The following C4orf33 variants were observed in gnomAD, a reference collection of about 807,000 sequenced individuals.
The protein encoded by C4orf33 is UPF0462 protein C4orf33.
In C4orf33, 20 loss-of-function variants were observed where a neutral mutation model predicts 24.3. The ratio of observed to expected loss-of-function variants is 0.82; its 90% confidence interval spans 0.58 to 1.19. The LOEUF is 1.19. Among genes scored for constraint, C4orf33 ranks in the 50% most tolerant of loss-of-function variants. C4orf33 has a pLI of 0.00. For missense variants in C4orf33, 207 were observed against 225.9 expected (o/e 0.92, Z 0.54); for synonymous variants, 67 against 76.4 (o/e 0.88, Z 0.64).
At chr4:129,102,222 C>G (rs1753376351) in intron 1 of C4orf33, 1 of 155,524 alleles carries the variant, frequency 6.4e-6, no homozygotes, top group African/African-American at 2.4e-5. Context: ...TTGCAGTAGA[C>G]TTAATTACAA....
At chr4:129,109,694 A>G (rs774218552) in intron 5 of C4orf33, 22 bp downstream of exon 5, 5 of 1,597,178 alleles carry the variant, frequency 3.1e-6, no homozygotes, top group Non-Finnish European at 4.3e-6. Flanking sequence ...ATAAATGAAG[A>G]TATGTTCCAA....
intron 1 of C4orf33, among the ~76,000 whole-genome samples, chr4:129,098,624 C>T (rs1031141930): frequency 2.6e-5 from 4 of 152,210 alleles, no homozygotes; most frequent in Admixed American, 1.3e-4. Context: ...GATTCACAAG[C>T]TAAAGCAAGT....
Position 129,115,036 on chromosome 4 carries a change from T to G in C4orf33, c.*3245T>G, listed in dbSNP as rs487501. 1 of 152,024 alleles carries G rather than the reference T, an allele frequency of 6.6e-6. No individual in the cohort carries two copies. Among genetic ancestry groups the G allele is most frequent in the African/African-American group, 2.4e-5 (1 of 41,326 alleles). The allele number at this position is 152,024 out of a possible 1,614,324, so 9.4% of individuals were successfully genotyped here. ...CAAACCACTTGAAACTACTGAAGAG[T>G]TTGGCCAAATGTGAGAGAAATACAG... On this transcript the variant is annotated 3_prime_UTR_variant, in exon 6 of 6. Transcript: ENST00000425929.
In C4orf33 at chr4:129,116,222, G is replaced by T. The variant is rs1292387049; in HGVS notation, c.*4431G>T. On this transcript the variant is annotated 3_prime_UTR_variant, in exon 6 of 6. Transcript: ENST00000425929. ...TAATGGGATCTACGAGTAAATTTTT[G>T]TCTGATATTTATAAATCTAATATGT... 6.6e-6 allele frequency: 1 copy of T among 151,910 alleles called. No individual in the cohort carries two copies. Among genetic ancestry groups the T allele is most frequent in the Non-Finnish European group, 1.5e-5 (1 of 67,988 alleles). 9.4% of individuals were successfully genotyped at this position (151,910 alleles called of 1,614,324 possible). A position where few individuals can be genotyped will look rare whatever the true frequency, so the allele number is the denominator to read the frequency against.
chr4:129,106,612 T>C lies in C4orf33; in HGVS notation c.207T>C (p.Asp69=), dbSNP rs757121662. The change falls in exon 3 of 6, where the codon GAT becomes GAC. Residue 69 remains aspartate, a synonymous_variant. Transcript: ENST00000425929. ...TTGTGGAAGCATTTTTCTTGAATGA[T>C]ATAACTGAGCAATATTTAGAAGTTG... is the stretch of plus-strand genomic sequence containing the variant. ...YEVVEAFFLN[D]ITEQYLEVEL... 1 of 1,549,970 alleles carries C rather than the reference T, an allele frequency of 6.5e-7. No homozygotes were observed. Among genetic ancestry groups the C allele is most frequent in the East Asian group, 2.3e-5 (1 of 43,020 alleles).
At chr4:129,095,208 T>C (rs1004101453), upstream of C4orf33, among the ~76,000 whole-genome samples, 1 of 152,184 alleles carries the variant, frequency 6.6e-6, no homozygotes, top group Non-Finnish European at 1.5e-5. Flanking sequence ...GGAAACAAAA[T>C]TGTGATGATT....
rs1341045213 is a variant in C4orf33 at position 129,112,702 on chromosome 4, T to C, written c.*911T>C. ...ACTTCAAGTTTACATTGAGTTTATA[T>C]GTTTCCATTGAACAATCACTAGTGA... On this transcript the variant is annotated 3_prime_UTR_variant, in exon 6 of 6. Coordinates refer to ENST00000425929, the MANE Select transcript of C4orf33 (RefSeq NM_001099783.2). 1 of 152,130 alleles carries C rather than the reference T, an allele frequency of 6.6e-6. No individual in the cohort carries two copies. Among genetic ancestry groups the C allele is most frequent in the Non-Finnish European group, 1.5e-5 (1 of 67,952 alleles). The allele number at this position is 152,130 out of a possible 1,614,324, so 9.4% of individuals were successfully genotyped here. A position where few individuals can be genotyped will look rare whatever the true frequency, so the allele number is the denominator to read the frequency against.
At chr4:129,098,233 T>C (rs1431606210) in intron 1 of C4orf33, among the ~76,000 whole-genome samples, 1 of 152,192 alleles carries the variant, frequency 6.6e-6, no homozygotes, top group Non-Finnish European at 1.5e-5. Context: ...TTATATTGCA[T>C]GATGCTGAGA....
intron 2 of C4orf33, among the ~76,000 whole-genome samples, chr4:129,103,654 T>G (rs1487286995): frequency 2.0e-5 from 3 of 152,228 alleles, no homozygotes; most frequent in African/African-American, 7.2e-5. Context: ...CTCTTCATGA[T>G]GCCATTTCCC....
At chr4:129,106,822 G>T (rs1753533706) in intron 3 of C4orf33, among the ~76,000 whole-genome samples, 175 bp downstream of exon 3, 1 of 151,624 alleles carries the variant, frequency 6.6e-6, no homozygotes, top group Non-Finnish European at 1.5e-5. Flanking sequence ...CACATATTTA[G>T]AATGTATGTT....
At chr4:129,099,945 G>A (rs960986918) in intron 1 of C4orf33, among the ~76,000 whole-genome samples, 7 of 151,642 alleles carry the variant, frequency 4.6e-5, no homozygotes, top group South Asian at 4.2e-4. Flanking sequence ...AAACAAATTT[G>A]TCATTGCAAT....
Position 129,109,461 on chromosome 4 carries a change from T to C in C4orf33, c.295-12T>C, listed in dbSNP as rs1249884580. On this transcript the variant is annotated splice_polypyrimidine_tract_variant and intron_variant, in intron 4 of 5. Coordinates refer to ENST00000425929, the MANE Select transcript of C4orf33 (RefSeq NM_001099783.2). ...AATTTTATCTTTTGTGTTTCACATG[T>C]TGTTTCTGTAGCAAGAACTTCCTTT... 8 of 1,610,784 alleles carry C rather than the reference T, an allele frequency of 5.0e-6. No individual in the cohort carries two copies. The highest frequency in any genetic ancestry group is 6.8e-6 in the Non-Finnish European group (8 of 1,177,018).
intron 1 of C4orf33, among the ~76,000 whole-genome samples, chr4:129,099,452 A>G (rs939532966): frequency 2.6e-5 from 4 of 152,246 alleles, no homozygotes; most frequent in African/African-American, 9.6e-5. Context: ...TGATGATACC[A>G]CGAACACAGT....
rs1453015995 is a variant in C4orf33 at position 129,113,476 on chromosome 4, T to C, written c.*1685T>C. ...TTTATTTGAGAGTGGGTGTTTGTAA[T>C]AGCCATTTCAAATTTGTTTTTCAAC... is the stretch of plus-strand genomic sequence containing the variant. On this transcript the variant is annotated 3_prime_UTR_variant, in exon 6 of 6. Coordinates refer to ENST00000425929, the MANE Select transcript of C4orf33 (RefSeq NM_001099783.2). 1 of 152,230 alleles carries C rather than the reference T, an allele frequency of 6.6e-6. No individual in the cohort carries two copies. Among genetic ancestry groups the C allele is most frequent in the African/African-American group, 2.4e-5 (1 of 41,464 alleles). The allele number at this position is 152,230 out of a possible 1,614,324, so 9.4% of individuals were successfully genotyped here.
Position 129,112,551 on chromosome 4 carries a change from T to A in C4orf33, c.*760T>A, listed in dbSNP as rs991401216. 2 of 152,204 alleles carry A rather than the reference T, an allele frequency of 1.3e-5. No homozygotes were observed. Among genetic ancestry groups the A allele is most frequent in the African/African-American group, 4.8e-5 (2 of 41,460 alleles). 9.4% of individuals were successfully genotyped at this position (152,204 alleles called of 1,614,324 possible). On this transcript the variant is annotated 3_prime_UTR_variant, in exon 6 of 6. Coordinates refer to ENST00000425929, the MANE Select transcript of C4orf33 (RefSeq NM_001099783.2). The stretch of plus-strand genomic sequence containing the variant: ...TTTTGTATTTTGATCTGGATGATGG[T>A]TATGTAGCTGCATATATTTGTCAAC...
Position 129,115,817 on chromosome 4 carries a change from T to TA in C4orf33, c.*4027dup, listed in dbSNP as rs1304953162. The TA allele has an allele frequency of 1.4e-5, 2 of 141,916 alleles. No homozygotes were observed. The highest frequency in any genetic ancestry group is 2.6e-5 in the African/African-American group (1 of 38,080). The allele number at this position is 141,916 out of a possible 1,614,324, so 8.8% of individuals were successfully genotyped here. ...TTCTAACTAAATATATATATATATA[T>TA]ATATATATATATAAAATATATATGT... On this transcript the variant is annotated 3_prime_UTR_variant, in exon 6 of 6. Transcript: ENST00000425929.
intron 1 of C4orf33, among the ~76,000 whole-genome samples, chr4:129,098,061 A>G (rs1753252211): frequency 6.6e-6 from 1 of 152,160 alleles, no homozygotes. Context: ...TATGAATTGC[A>G]TATACTTTTC....
upstream of C4orf33, among the ~76,000 whole-genome samples, chr4:129,095,286 T>C (rs151229257): frequency 0.013 from 1,908 of 152,278 alleles, 23 homozygotes; most frequent in Middle Eastern, 0.027. Flanking sequence ...TTTATCCACT[T>C]CTCCCAAGGT....
chr4:129,102,869 G>T, intron 2 of C4orf33, 78 bp downstream of exon 2: 1 of 1,356,728 alleles, frequency 7.4e-7, no homozygotes, highest in Non-Finnish European at 1.0e-6. Flanking sequence ...ATTTTATCTT[G>T]CTGTTGGGAA....
Sources: gnomAD v4.1 joint callset for allele counts (sites outside exome capture counted in the v4.1 genomes callset) on GRCh38, gnomAD v4.1.1 for gene constraint, MANE v1.5 for transcripts, NCBI Gene and HGNC (gene_info 2026-07-23, HGNC 2026-07-21) for gene names.